KANSL1: variants seen among roughly 807,000 people sequenced by gnomAD.
The protein encoded by KANSL1 is KAT8 regulatory NSL complex subunit 1, also known as MLL1/MLL complex subunit KANSL1.
In KANSL1, 22 loss-of-function variants were observed where a neutral mutation model predicts 103.6. That is an observed-to-expected ratio of 0.21 (90% confidence interval 0.15 to 0.30). KANSL1 has a LOEUF of 0.30. Ranked by LOEUF, KANSL1 falls within the 10% of genes least tolerant of loss-of-function variation. The probability of loss-of-function intolerance (pLI) is 1.00; values close to 1 mark genes in which losing one functional copy is unlikely to be tolerated. For synonymous variants in KANSL1, 600 were observed against 527.6 expected (o/e 1.14, Z -1.88); for missense variants, 1,337 against 1,399.8 (o/e 0.96, Z 0.72).
rs368624547 is a variant in KANSL1 at position 46,118,542 on chromosome 17, G to A, written c.1290-23841C>T. The stretch of plus-strand genomic sequence containing the variant: ...GGTGGGCCCCACCCCCAGAGTTTCC[G>A]ACTCAGGACATCTGAAATGGGGTCC... On this transcript the variant is annotated intron_variant, in intron 2 of 14. Coordinates refer to ENST00000432791, the MANE Select transcript of KANSL1 (RefSeq NM_015443.4). Among the ~76,000 whole-genome samples, 5 of 152,306 alleles carry A rather than the reference G, an allele frequency of 3.3e-5. No homozygotes were observed. In the East Asian group the frequency reaches 7.7e-4, roughly 24 times the overall value.
intron 4 of KANSL1, among the ~76,000 whole-genome samples, chr17:46,073,070 T>C (rs1379967160): frequency 6.6e-6 from 1 of 152,146 alleles, no homozygotes; most frequent in African/African-American, 2.4e-5. Context: ...TTACCTTCTA[T>C]CCCAAAACCC....
intron 1 of KANSL1, among the ~76,000 whole-genome samples, chr17:46,220,093 G>A (rs75543806): frequency 0.21 from 29,712 of 141,880 alleles, no homozygotes; most frequent in African/African-American, 0.38. Flanking sequence ...ACAGAGTGAG[G>A]CTCCGTCTCA....
intron 1 of KANSL1, among the ~76,000 whole-genome samples, chr17:46,210,360 C>G (rs980654029): frequency 6.6e-6 from 1 of 151,836 alleles, no homozygotes; most frequent in Non-Finnish European, 1.5e-5. Context: ...GTAGTCATAG[C>G]TACTCGGGAG....
chr17:46,219,489 A>G (rs1191207469), intron 1 of KANSL1, among the ~76,000 whole-genome samples: 2 of 152,172 alleles, frequency 1.3e-5, no homozygotes, highest in African/African-American at 4.8e-5. Context: ...AGGCCTCTCA[A>G]GTAGCTGCAA....
chr17:46,167,182 A>G (rs1169588623), intron 2 of KANSL1, among the ~76,000 whole-genome samples: 1 of 152,140 alleles, frequency 6.6e-6, no homozygotes, highest in Non-Finnish European at 1.5e-5. Flanking sequence ...AGTAGTTACT[A>G]TATAGAAGTT....
At chr17:46,143,803 C>CAAAAAAAAAAAAAAAAAAAAAA (rs57361021) in intron 2 of KANSL1, among the ~76,000 whole-genome samples, 10 of 85,524 alleles carry the variant, frequency 1.2e-4, no homozygotes, top group South Asian at 4.0e-4. Flanking sequence ...GACTCCATCT[C>CAAAAAAAAAAAAAAAAAAAAAA]AAAAAAAAAA....
At chr17:46,103,236 T>C (rs1177893339) in intron 2 of KANSL1, among the ~76,000 whole-genome samples, 1 of 152,196 alleles carries the variant, frequency 6.6e-6, no homozygotes, top group African/African-American at 2.4e-5. Flanking sequence ...CAGACCCTGT[T>C]TGAATGAAAA....
At chr17:46,088,018 G>A (rs2079230631) in intron 3 of KANSL1, among the ~76,000 whole-genome samples, 2 of 152,184 alleles carry the variant, frequency 1.3e-5, no homozygotes, top group African/African-American at 2.4e-5. Flanking sequence ...AATAGCAACC[G>A]GTAGAAGCCG....
intron 2 of KANSL1, among the ~76,000 whole-genome samples, chr17:46,126,404 T>C (rs1224828090): frequency 6.6e-6 from 1 of 152,096 alleles, no homozygotes; most frequent in African/African-American, 2.4e-5. Flanking sequence ...ATCGCGCCAT[T>C]GCACTCCAGC....
chr17:46,106,192 C>T (rs1028337571), intron 2 of KANSL1, among the ~76,000 whole-genome samples: 1 of 152,160 alleles, frequency 6.6e-6, no homozygotes, highest in Non-Finnish European at 1.5e-5. Context: ...CAAATCCTGG[C>T]CCCACCACTT....
chr17:46,183,705 C>T (rs2046896043), intron 1 of KANSL1, among the ~76,000 whole-genome samples: 1 of 152,016 alleles, frequency 6.6e-6, no homozygotes, highest in South Asian at 2.1e-4. Flanking sequence ...AATTCCAGCA[C>T]TTTGGGAGGC....
In KANSL1 at chr17:46,200,038, T is replaced by TACACACACAC. The variant is rs143234563; in HGVS notation, c.-90+23623_-90+23632dup. On this transcript the variant is annotated intron_variant, in intron 1 of 14. Transcript: ENST00000572904. The stretch of plus-strand genomic sequence containing the variant: ...TTTTAATAAAGTTCCTCAATGAGTT[T>TACACACACAC]ACACACACACACACACACACACACA... 9.6e-3 allele frequency among the ~76,000 whole-genome samples: 1,417 copies of TACACACACAC among 147,406 alleles called. 1 individual carries two copies. The highest frequency in any genetic ancestry group is 0.031 in the Middle Eastern group (9 of 288).
At chr17:46,203,159 C>G (rs146660472) in intron 1 of KANSL1, among the ~76,000 whole-genome samples, 5 of 151,958 alleles carry the variant, frequency 3.3e-5, no homozygotes, top group Non-Finnish European at 7.4e-5. Flanking sequence ...TTGAACCCAG[C>G]GGGAGGTAGA....
intron 6 of KANSL1, among the ~76,000 whole-genome samples, chr17:46,062,091 C>CAAA (rs35638067): frequency 9.4e-4 from 66 of 70,004 alleles, no homozygotes; most frequent in East Asian, 3.1e-3. Context: ...GACTCCGACT[C>CAAA]AAAAAAAAAA....
At chr17:46,148,584 A>C (rs1476341495) in intron 2 of KANSL1, among the ~76,000 whole-genome samples, 5 of 146,350 alleles carry the variant, frequency 3.4e-5, no homozygotes, top group East Asian at 2.0e-4. Flanking sequence ...ATCCTCCTTC[A>C]CTTACCTTTT....
At chr17:46,082,834 G>A (rs918361002) in intron 3 of KANSL1, among the ~76,000 whole-genome samples, 2 of 151,946 alleles carry the variant, frequency 1.3e-5, no homozygotes, top group Non-Finnish European at 2.9e-5. Flanking sequence ...ACCAGATTAT[G>A]GCATTTATAC....
intron 2 of KANSL1, among the ~76,000 whole-genome samples, chr17:46,116,868 A>T (rs998973258): frequency 6.6e-6 from 1 of 152,240 alleles, no homozygotes; most frequent in Admixed American, 6.5e-5. Context: ...AAAATCTATA[A>T]ATCTGTAGCT....
Position 46,066,692 on chromosome 17 carries a change from A to T in KANSL1, c.1693T>A (p.Ser565Thr), listed in dbSNP as rs2078390250. Residue 565 changes from serine to threonine, a missense_variant, in exon 6 of 15, where the codon TCT becomes ACT. Coordinates refer to ENST00000432791, the MANE Select transcript of KANSL1 (RefSeq NM_015443.4). The stretch of plus-strand genomic sequence containing the variant: ...TTATGTAATTGTTCCTCAGCATCAG[A>T]GCTGTCACCTGGAATGTGGTCTGCC... ...VLADHIPGDSSDAEEQLHKKQ... is the reference protein window; with the variant it reads ...VLADHIPGDSTDAEEQLHKKQ... 6.2e-7 allele frequency: 1 copy of T among 1,614,048 alleles called. No homozygotes were observed.
chr17:46,216,738 T>C (rs1260373100), intron 1 of KANSL1, among the ~76,000 whole-genome samples: 1 of 152,208 alleles, frequency 6.6e-6, no homozygotes. Context: ...TGTGTAGGTG[T>C]CGAGGGTCTA....
Sources: allele counts gnomAD v4.1 joint callset (sites outside exome capture counted in the v4.1 genomes callset), GRCh38; gene constraint gnomAD v4.1.1; transcripts MANE v1.5; gene names NCBI Gene and HGNC (gene_info 2026-07-23, HGNC 2026-07-21).